The following TRPC7 variants were observed in gnomAD, a reference collection of about 807,000 sequenced individuals.
The protein encoded by TRPC7 is short transient receptor potential channel 7.
A neutral mutation model predicts 90.1 loss-of-function variants in TRPC7; 42 were observed. The observed-to-expected ratio is 0.47, with a 90% CI of 0.36 to 0.60. TRPC7 has a LOEUF of 0.60. Among genes scored for constraint, TRPC7 ranks in the 20% least tolerant of loss-of-function variants. TRPC7 has a pLI of 0.00. For synonymous variants in TRPC7, 451 were observed against 436.3 expected, an observed-to-expected ratio of 1.03 and a Z score of -0.42; for missense variants, 955 against 1,112.3, an observed-to-expected ratio of 0.86 and a Z score of 2.01.
At chr5:136,280,204 C>T (rs1561699388) in intron 3 of TRPC7, among the ~76,000 whole-genome samples, 1 of 152,072 alleles carries the variant, frequency 6.6e-6, no homozygotes, top group Admixed American at 6.6e-5. Flanking sequence ...TTCCTGTCTA[C>T]CTCCAAGTCC....
chr5:136,352,541 G>A (rs1031339806), intron 2 of TRPC7, among the ~76,000 whole-genome samples: 3 of 152,050 alleles, frequency 2.0e-5, no homozygotes, highest in Non-Finnish European at 4.4e-5. Flanking sequence ...TGTTCTTGGT[G>A]GCTGTTACCC....
At chr5:136,339,301 C>G (rs1580972959) in intron 2 of TRPC7, among the ~76,000 whole-genome samples, 1 of 152,180 alleles carries the variant, frequency 6.6e-6, no homozygotes, top group Admixed American at 6.5e-5. Flanking sequence ...CCTCTTTGCT[C>G]AGGGACCAAA....
At chr5:136,303,468 C>T (rs1448425568) in intron 3 of TRPC7, among the ~76,000 whole-genome samples, 1 of 152,168 alleles carries the variant, frequency 6.6e-6, no homozygotes, top group Admixed American at 6.5e-5. Flanking sequence ...AGTTGCAATT[C>T]CTTGCCTCCA....
intron 4 of TRPC7, among the ~76,000 whole-genome samples, chr5:136,268,515 G>A (rs1288560897): frequency 6.6e-6 from 1 of 152,140 alleles, no homozygotes; most frequent in Non-Finnish European, 1.5e-5. Context: ...AGGATATGGG[G>A]TATACCTCTC....
intron 11 of TRPC7, among the ~76,000 whole-genome samples, chr5:136,215,811 A>T (rs1487267262): frequency 7.3e-6 from 1 of 137,688 alleles, no homozygotes; most frequent in Non-Finnish European, 1.5e-5. Context: ...CAACAGAGTG[A>T]GACTCCATCT....
intron 10 of TRPC7, among the ~76,000 whole-genome samples, chr5:136,220,623 G>C (rs980453392): frequency 4.6e-5 from 7 of 152,192 alleles, no homozygotes; most frequent in African/African-American, 1.7e-4. Flanking sequence ...GGTGAACATA[G>C]ACCCTTATCA....
chr5:136,219,912 T>C (rs1288768388), intron 10 of TRPC7, among the ~76,000 whole-genome samples: 4 of 152,206 alleles, frequency 2.6e-5, no homozygotes, highest in African/African-American at 9.6e-5. Context: ...CTGTTTAACA[T>C]GGATGGCACA....
Position 136,357,102 on chromosome 5 carries a change from G to C in TRPC7, c.286C>G (p.Leu96Val). Reference sequence around the variant, plus strand: ...GCCAGGTTCTCCTTCTTCAGCAGCAGCTCCGTGACCTCTAGGTGCTCGTTG... The same window carrying C: ...GCCAGGTTCTCCTTCTTCAGCAGCACCTCCGTGACCTCTAGGTGCTCGTTG... The part of the protein sequence containing the change: ...VGNEHLEVTE[L>V]LLKKENLARV... Residue 96 changes from leucine to valine, a missense_variant, in exon 2 of 12, where the codon CTG becomes GTG. Coordinates refer to ENST00000513104, the MANE Select transcript of TRPC7 (RefSeq NM_020389.3). 6.2e-7 allele frequency: 1 copy of C among 1,614,074 alleles called. No homozygotes were observed. Among genetic ancestry groups the C allele is most frequent in the Non-Finnish European group, 8.5e-7 (1 of 1,180,002 alleles).
intron 2 of TRPC7, among the ~76,000 whole-genome samples, chr5:136,327,609 G>C (rs1488964250): frequency 3.9e-5 from 6 of 152,220 alleles, no homozygotes; most frequent in Non-Finnish European, 5.9e-5. Flanking sequence ...GGATCTGACA[G>C]TCTTCTGGAG....
intron 5 of TRPC7, among the ~76,000 whole-genome samples, chr5:136,264,195 C>T (rs1206199561): frequency 6.6e-6 from 1 of 152,094 alleles, no homozygotes; most frequent in Non-Finnish European, 1.5e-5. Context: ...GAATAATGCT[C>T]TGACACCCAG....
At chr5:136,233,906 G>T (rs936775001) in intron 7 of TRPC7, among the ~76,000 whole-genome samples, 4 of 151,976 alleles carry the variant, frequency 2.6e-5, no homozygotes, top group African/African-American at 9.7e-5. Context: ...TTTATCCTTG[G>T]TGCCTTCTCT....
chr5:136,247,795 C>T lies in TRPC7; in HGVS notation c.1580-60G>A. ...ACAGGATCTATTCTAGAAGAGAAAC[C>T]AGTTAGGCATCTTTAGAGGTCTCCA... On this transcript the variant is annotated intron_variant, in intron 6 of 11. Coordinates refer to ENST00000513104, the MANE Select transcript of TRPC7 (RefSeq NM_020389.3). This position sits in a 1 kb window ranked among gnomAD's most constrained non-coding sequence, Gnocchi z 4.2. 6.4e-7 allele frequency: 1 copy of T among 1,551,478 alleles called. No homozygotes were observed. Among genetic ancestry groups the T allele is most frequent in the African/African-American group, 1.4e-5 (1 of 72,872 alleles).
chr5:136,326,724 C>G (rs1236868254), intron 2 of TRPC7, among the ~76,000 whole-genome samples: 2 of 151,970 alleles, frequency 1.3e-5, no homozygotes, highest in African/African-American at 2.4e-5. Context: ...TAGCATGGAG[C>G]AGATAGAGAA....
Position 136,357,369 on chromosome 5 carries a change from A to G in TRPC7, c.19T>C (p.Phe7Leu). 1 of 1,598,936 alleles carries G rather than the reference A, an allele frequency of 6.3e-7. No individual in the cohort carries two copies. Among genetic ancestry groups the G allele is most frequent in the Non-Finnish European group, 8.5e-7 (1 of 1,178,834 alleles). Residue 7 changes from phenylalanine (F) to leucine (L), a missense_variant, in exon 2 of 12, where the codon TTC (phenylalanine) becomes CTC (leucine). Transcript: ENST00000513104. The part of the protein sequence containing the change: MLRNST[F>L]KNMQRRHTTL... Reference sequence around the variant, plus strand: ...GTGTGCCGGCGCTGCATGTTTTTGAAGGTGCTGTTCCTCAACCTATGGGAC... The same window carrying G: ...GTGTGCCGGCGCTGCATGTTTTTGAGGGTGCTGTTCCTCAACCTATGGGAC...
rs76446042 is a variant in TRPC7 at position 136,256,864 on chromosome 5, G to T, written c.1346-4982C>A. ...CTCCAGCAGTTCCACCCAACCATTT[G>T]CTTGTGTTTCTTCCTTTCTTTTTCC... On this transcript the variant is annotated intron_variant, in intron 5 of 11. Coordinates refer to ENST00000513104, the MANE Select transcript of TRPC7 (RefSeq NM_020389.3). Among the ~76,000 whole-genome samples the T allele has an allele frequency of 2.2e-3, 342 of 152,278 alleles. 2 individuals are homozygous for T. The highest frequency in any genetic ancestry group is 7.4e-3 in the African/African-American group (308 of 41,560).
intron 2 of TRPC7, among the ~76,000 whole-genome samples, chr5:136,346,087 TG>T (rs1361600807): frequency 6.6e-6 from 1 of 152,048 alleles, no homozygotes; most frequent in African/African-American, 2.4e-5. Context: ...AGGCCTGTTG[TG>T]GGGTGGAGGG....
At chr5:136,290,020 C>T (rs1757881579) in intron 3 of TRPC7, among the ~76,000 whole-genome samples, 2 of 152,122 alleles carry the variant, frequency 1.3e-5, no homozygotes, top group South Asian at 4.1e-4. Flanking sequence ...CTGCTGATAC[C>T]CAGGCAAACA....
At chr5:136,358,196 GA>G (rs756665882) in intron 1 of TRPC7, among the ~76,000 whole-genome samples, 8 of 152,280 alleles carry the variant, frequency 5.3e-5, no homozygotes, top group Non-Finnish European at 7.3e-5. Flanking sequence ...CCTTCTGAGA[GA>G]ATTCAGCCTT....
chr5:136,362,015 T>C (rs1760583742), intron 1 of TRPC7, among the ~76,000 whole-genome samples: 1 of 152,160 alleles, frequency 6.6e-6, no homozygotes, highest in Non-Finnish European at 1.5e-5. Flanking sequence ...ATCAAAATCT[T>C]ACCTATCAAT....
Sources: allele counts gnomAD v4.1 joint callset (sites outside exome capture counted in the v4.1 genomes callset), GRCh38; gene constraint gnomAD v4.1.1; non-coding constraint Gnocchi (gnomAD v3.1); transcripts MANE v1.5; gene names NCBI Gene and HGNC (gene_info 2026-07-23, HGNC 2026-07-21).